ITGAL: variants seen among roughly 807,000 people sequenced by gnomAD.
ITGAL encodes the protein integrin alpha-L.
In ITGAL, 68 loss-of-function variants were observed where a neutral mutation model predicts 138.4. That is an observed-to-expected ratio of 0.49 (90% CI 0.40 to 0.60). The LOEUF (loss-of-function observed/expected upper bound fraction) is 0.60, where lower values mean the gene tolerates loss of function less well. ITGAL is among the 20% of genes least tolerant of loss of function. ITGAL has a pLI of 0.00. For missense variants in ITGAL, 1,256 were observed against 1,478.6 expected (o/e 0.85, Z 2.47); for synonymous variants, 561 against 584.3 (o/e 0.96, Z 0.57).
chr16:30,477,378 C>CA (rs199718878), intron 4 of ITGAL: 1,665 of 125,150 alleles, frequency 0.013, 12 homozygotes, highest in African/African-American at 0.014. Context: ...CCTGTCCCTA[C>CA]AAAAAAAAAA....
At chr16:30,487,915 A>G (rs996164647) in intron 9 of ITGAL, among the ~76,000 whole-genome samples, 5 of 151,428 alleles carry the variant, frequency 3.3e-5, no homozygotes, top group Admixed American at 3.3e-4. Flanking sequence ...ATAGGGTTTC[A>G]CCATGCTGGT....
chr16:30,478,352 G>A (rs1597063476), intron 4 of ITGAL, among the ~76,000 whole-genome samples: 1 of 140,040 alleles, frequency 7.1e-6, no homozygotes, highest in Non-Finnish European at 1.6e-5. Flanking sequence ...AAGAAAGAAA[G>A]AAAAAGAAAG....
intron 24 of ITGAL, among the ~76,000 whole-genome samples, chr16:30,513,459 A>G (rs1386141998): frequency 6.6e-6 from 1 of 152,166 alleles, no homozygotes; most frequent in Non-Finnish European, 1.5e-5. Context: ...AGTGGATACG[A>G]TTATCTAGGA....
rs1484887564 is a variant in ITGAL at position 30,472,801 on chromosome 16, T to C, written c.-37T>C. On this transcript the variant is annotated 5_prime_UTR_variant, in exon 1 of 31. Transcript: ENST00000356798. ...GCAAATCCCACGGGCCTCCTGACGC[T>C]GCCCCTGGGGCCACAGGTCCCTCGA... The C allele has an allele frequency of 6.2e-7, 1 of 1,601,758 alleles. No homozygotes were observed. Among genetic ancestry groups the C allele is most frequent in the Non-Finnish European group, 8.5e-7 (1 of 1,171,670 alleles).
At chr16:30,505,694 G>T (rs1025679293) in intron 20 of ITGAL, among the ~76,000 whole-genome samples, 2 of 151,984 alleles carry the variant, frequency 1.3e-5, no homozygotes, top group South Asian at 4.1e-4. Context: ...CCAGCTATGG[G>T]AAACATAGCA....
intron 1 of ITGAL, 42 bp downstream of exon 1, chr16:30,472,940 A>G: frequency 6.4e-7 from 1 of 1,573,000 alleles, no homozygotes; most frequent in Middle Eastern, 1.7e-4. Context: ...TGTGTCTGTG[A>G]CCAGAGAAAC....
intron 21 of ITGAL, among the ~76,000 whole-genome samples, chr16:30,508,246 TC>T (rs2151169248): frequency 8.3e-6 from 1 of 119,922 alleles, no homozygotes; most frequent in African/African-American, 3.3e-5. Flanking sequence ...GAAGTCTTGC[TC>T]TTGTCCCCCA....
chr16:30,483,845 G>C lies in ITGAL; in HGVS notation c.741G>C (p.Glu247Asp). 6.2e-7 allele frequency: 1 copy of C among 1,613,806 alleles called. No homozygotes were observed. The highest frequency in any genetic ancestry group is 8.5e-7 in the Non-Finnish European group (1 of 1,179,856). The change falls in exon 8 of 31, where the codon GAG becomes GAC. Residue 247 changes from glutamate (E) to aspartate (D), a missense_variant. By Grantham distance (45) the Glu-to-Asp change is conservative. This residue lies in a region of ITGAL where 177 missense variants were observed against 288.8 expected (regional missense o/e 0.61). Transcript: ENST00000356798. ...GACACAGGACAGAGGTGTTCCGGGA[G>C]GAGCTGGGGGCCCGGCCAGATGCCA... Reference protein sequence around the residue: ...INYVATEVFREELGARPDATK... With the variant: ...INYVATEVFRDELGARPDATK...
chr16:30,490,459 G>A (rs1023562523), intron 11 of ITGAL, among the ~76,000 whole-genome samples: 1 of 151,922 alleles, frequency 6.6e-6, no homozygotes, highest in Non-Finnish European at 1.5e-5. Context: ...AACCTAGCTC[G>A]CCACCCTTCC....
chr16:30,502,257 C>T (rs1330970919), intron 17 of ITGAL, among the ~76,000 whole-genome samples: 3 of 150,918 alleles, frequency 2.0e-5, no homozygotes, highest in Non-Finnish European at 2.9e-5. Flanking sequence ...ATTAGCTGGG[C>T]GTGGTGGTGG....
rs1469479407 is a variant in ITGAL, at chr16:30,521,718, G to A, written c.*53G>A. The A allele has an allele frequency of 6.4e-7, 1 of 1,558,744 alleles. No individual in the cohort carries two copies. The highest frequency in any genetic ancestry group is 8.8e-7 in the Non-Finnish European group (1 of 1,142,058). On this transcript the variant is annotated 3_prime_UTR_variant, in exon 31 of 31. Coordinates refer to ENST00000356798, the MANE Select transcript of ITGAL (RefSeq NM_002209.3). Reference sequence around the variant, plus strand: ...CAGAACTGGACTCAGGATGCCCAGGGCCACTCTGCCTCTGCCTGCATTCTG... The same window carrying A: ...CAGAACTGGACTCAGGATGCCCAGGACCACTCTGCCTCTGCCTGCATTCTG...
intron 21 of ITGAL, among the ~76,000 whole-genome samples, chr16:30,508,460 G>A (rs1287640856): frequency 9.9e-5 from 15 of 152,116 alleles, no homozygotes; most frequent in East Asian, 9.7e-4. Flanking sequence ...TGATCTACCC[G>A]CCTTGGCCTC....
chr16:30,509,500 C>T (rs1239700790), intron 21 of ITGAL: 2 of 152,136 alleles, frequency 1.3e-5, no homozygotes, highest in Non-Finnish European at 2.9e-5. Flanking sequence ...CCACACTTTA[C>T]TGAGCCGTTG....
intron 17 of ITGAL, among the ~76,000 whole-genome samples, chr16:30,501,864 C>T (rs2050904318): frequency 6.6e-6 from 1 of 152,030 alleles, no homozygotes; most frequent in Non-Finnish European, 1.5e-5. Context: ...GACCCCTTCT[C>T]TACAAAAAAC....
intron 13 of ITGAL, among the ~76,000 whole-genome samples, chr16:30,495,825 T>C (rs1168770054): frequency 2.0e-5 from 3 of 151,812 alleles, no homozygotes; most frequent in Non-Finnish European, 4.4e-5. Context: ...CTCCAGCCTG[T>C]GCGACAGAGC....
At chr16:30,510,701 A>G (rs1385000733) in intron 22 of ITGAL, among the ~76,000 whole-genome samples, 180 bp from the exon 23 acceptor site, 1 of 152,140 alleles carries the variant, frequency 6.6e-6, no homozygotes, top group East Asian at 1.9e-4. Context: ...TTATAGACAT[A>G]ACTTAACCGT....
At chr16:30,510,260 G>C in intron 21 of ITGAL, 101 bp from the exon 22 acceptor site, 1 of 719,316 alleles carries the variant, frequency 1.4e-6, no homozygotes, top group Non-Finnish European at 2.5e-6. Flanking sequence ...TTCCATGACA[G>C]GGACAGAGCC....
At chr16:30,484,331 G>C (rs9796793) in intron 9 of ITGAL, 68 bp downstream of exon 9, 2 of 1,500,696 alleles carry the variant, frequency 1.3e-6, no homozygotes, top group South Asian at 1.2e-5. Flanking sequence ...ACATCAGGCC[G>C]GGCTTGGTGG....
At chr16:30,520,393 C>G (rs1461222135) in intron 30 of ITGAL, among the ~76,000 whole-genome samples, 1 of 152,162 alleles carries the variant, frequency 6.6e-6, no homozygotes, top group East Asian at 1.9e-4. Flanking sequence ...CATGATGATG[C>G]CACTGCGCTC....
Sources: gnomAD v4.1 joint callset for allele counts (sites outside exome capture counted in the v4.1 genomes callset) on GRCh38, gnomAD v4.1.1 for gene constraint, gnomAD v4.1.1 regional missense constraint, MANE v1.5 for transcripts, NCBI Gene and HGNC (gene_info 2026-07-23, HGNC 2026-07-21) for gene names.